Variants in ZNF407 observed in about 807,000 individuals in gnomAD.
ZNF407 encodes the protein zinc finger protein 407.
In ZNF407, 17 loss-of-function variants were observed where a neutral mutation model predicts 131.2. That is an observed-to-expected ratio of 0.13 (90% CI 0.09 to 0.19). ZNF407 has a LOEUF of 0.19. Among genes scored for constraint, ZNF407 ranks in the 10% least tolerant of loss-of-function variants. The pLI, the probability that ZNF407 is intolerant of heterozygous loss-of-function variation, is 1.00. For synonymous variants in ZNF407, 1,156 were observed against 1,062.0 expected, an observed-to-expected ratio of 1.09 and a Z score of -1.72; for missense variants, 2,681 against 2,830.6, an observed-to-expected ratio of 0.95 and a Z score of 1.20.
intron 4 of ZNF407, among the ~76,000 whole-genome samples, chr18:74,852,224 C>T (rs944251280): frequency 3.9e-5 from 6 of 152,000 alleles, no homozygotes; most frequent in East Asian, 3.9e-4. Context: ...CACGCGCGCG[C>T]GCATTGCTGG....
rs1198648926 is a variant in ZNF407, at chr18:74,632,646, T to G, written c.1627T>G (p.Leu543Val). Reference sequence around the variant, plus strand: ...GCAAGTAGCTACAAATAGGACAGATTTGGAAATCCATGTGAAAAGGTGCCA... The same window carrying G: ...GCAAGTAGCTACAAATAGGACAGATGTGGAAATCCATGTGAAAAGGTGCCA... Reference protein sequence around the residue: ...CGQVATNRTDLEIHVKRCHAR... With the variant: ...CGQVATNRTDVEIHVKRCHAR... Residue 543 changes from leucine (L) to valine (V), a missense_variant, in exon 2 of 9, where the codon TTG becomes GTG. By Grantham distance (32) the Leu-to-Val change is conservative. Transcript: ENST00000299687. 1.2e-6 allele frequency: 2 copies of G among 1,614,022 alleles called. No homozygotes were observed. The highest frequency in any genetic ancestry group is 3.3e-5 in the Admixed American group (2 of 60,032).
intron 8 of ZNF407, among the ~76,000 whole-genome samples, chr18:75,049,102 T>TG (rs201644533): frequency 3.4e-4 from 11 of 32,572 alleles, no homozygotes; most frequent in African/African-American, 1.1e-3. Flanking sequence ...TTTTTTTGGG[T>TG]GGGGGGGGGG....
At chr18:74,815,555 A>T (rs780841421) in intron 4 of ZNF407, among the ~76,000 whole-genome samples, 1 of 152,210 alleles carries the variant, frequency 6.6e-6, no homozygotes, top group Admixed American at 6.5e-5. Flanking sequence ...AATATGGGAT[A>T]TATTGTATTT....
chr18:74,635,659 G>A lies in ZNF407; in HGVS notation c.4640G>A (p.Arg1547Gln). ...NVCKYCGKMC[R>Q]SSNSMAFLAH... ...TGCAAGTATTGTGGGAAGATGTGTC[G>A]AAGCAGCAACTCGATGGCCTTCCTG... is the stretch of plus-strand genomic sequence containing the variant. The change falls in exon 2 of 9, where the codon CGA becomes CAA. Residue 1547 changes from arginine to glutamine, a missense_variant. Arg to Gln is a conservative substitution (Grantham distance 43, BLOSUM62 1). This residue lies in a region of ZNF407 where 213 missense variants were observed against 332.2 expected (regional missense o/e 0.64). Coordinates refer to ENST00000299687, the MANE Select transcript of ZNF407 (RefSeq NM_017757.3). The surrounding 1 kb of genome is among the most constrained non-coding windows in gnomAD (Gnocchi z 4.7). 1.9e-6 allele frequency: 3 copies of A among 1,609,240 alleles called. No homozygotes were observed. Among genetic ancestry groups the A allele is most frequent in the South Asian group, 1.1e-5 (1 of 90,504 alleles).
rs1744755259 is a variant in ZNF407 at position 75,064,537 on chromosome 18, C to T, written c.*69C>T. The T allele has an allele frequency of 1.5e-6, 2 of 1,316,730 alleles. No homozygotes were observed. The highest frequency in any genetic ancestry group is 5.8e-5 in the Admixed American group (2 of 34,672). 81.6% of individuals were successfully genotyped at this position (1,316,730 alleles called of 1,614,324 possible). A position where few individuals can be genotyped will look rare whatever the true frequency, so the allele number is the denominator to read the frequency against. Reference sequence around the variant, plus strand: ...TCCAGCTTCGGTGGGGGACCGTGTTCCCTGAGCTTCATCTGAAACCTTCAA... The same window carrying T: ...TCCAGCTTCGGTGGGGGACCGTGTTTCCTGAGCTTCATCTGAAACCTTCAA... On this transcript the variant is annotated 3_prime_UTR_variant, in exon 9 of 9. Transcript: ENST00000299687.
At chr18:74,610,424 G>A (rs73973920) in intron 1 of ZNF407, among the ~76,000 whole-genome samples, 3,924 of 152,218 alleles carry the variant, frequency 0.026, 146 homozygotes, top group African/African-American at 0.084. Flanking sequence ...ATGCGTGCAA[G>A]CAGCTTACCC....
intron 3 of ZNF407, among the ~76,000 whole-genome samples, chr18:74,761,996 G>C (rs1042306867): frequency 1.3e-5 from 2 of 152,062 alleles, no homozygotes; most frequent in Non-Finnish European, 2.9e-5. Context: ...AGTTATAGTC[G>C]TAGAAGGGAA....
chr18:74,778,044 AAAAAC>A (rs1371557344), intron 3 of ZNF407, among the ~76,000 whole-genome samples: 3 of 151,214 alleles, frequency 2.0e-5, no homozygotes, highest in Non-Finnish European at 2.9e-5. Context: ...TAAAAAAAAT[AAAAAC>A]AAAAGCAAAA....
chr18:75,026,275 T>C (rs1486675567), intron 8 of ZNF407, among the ~76,000 whole-genome samples: 1 of 152,216 alleles, frequency 6.6e-6, no homozygotes, highest in African/African-American at 2.4e-5. Context: ...CTAGTACTCA[T>C]AGACAAAGAT....
At chr18:74,720,566 T>C (rs1968006547) in intron 3 of ZNF407, among the ~76,000 whole-genome samples, 2 of 152,118 alleles carry the variant, frequency 1.3e-5, no homozygotes, top group African/African-American at 2.4e-5. Context: ...ACTCATATAA[T>C]ATTTTCTCAG....
At chr18:74,878,444 T>C (rs2145181805) in intron 5 of ZNF407, among the ~76,000 whole-genome samples, 1 of 152,272 alleles carries the variant, frequency 6.6e-6, no homozygotes, top group East Asian at 1.9e-4. Flanking sequence ...GTGTTGACGA[T>C]TTAAGGTCTC....
chr18:75,038,303 A>G (rs1440163166), intron 8 of ZNF407, among the ~76,000 whole-genome samples: 1 of 152,232 alleles, frequency 6.6e-6, no homozygotes, highest in Non-Finnish European at 1.5e-5. Context: ...TGGGTAACCA[A>G]CAAAGCAGAA....
intron 8 of ZNF407, among the ~76,000 whole-genome samples, chr18:75,022,879 A>G (rs558821421): frequency 1.3e-5 from 2 of 152,342 alleles, no homozygotes; most frequent in South Asian, 2.1e-4. Flanking sequence ...ATACCTGCAT[A>G]TGTATGTTCA....
intron 4 of ZNF407, among the ~76,000 whole-genome samples, chr18:74,873,594 G>A (rs1439812927): frequency 6.6e-6 from 1 of 152,090 alleles, no homozygotes; most frequent in Non-Finnish European, 1.5e-5. Flanking sequence ...AGGTGAGGTG[G>A]CTCAAGCCTG....
intron 3 of ZNF407, among the ~76,000 whole-genome samples, chr18:74,704,912 A>C (rs1255352811): frequency 6.6e-6 from 1 of 152,226 alleles, no homozygotes; most frequent in East Asian, 1.9e-4. Flanking sequence ...ATGTCTCATT[A>C]ATAGTAGGCT....
At chr18:74,934,675 G>A (rs1039479662) in intron 8 of ZNF407, among the ~76,000 whole-genome samples, 1 of 152,192 alleles carries the variant, frequency 6.6e-6, no homozygotes, top group East Asian at 1.9e-4. Flanking sequence ...ACATGGTGGC[G>A]CGTGCCTGTA....
At chr18:74,653,614 A>G (rs550886438) in intron 3 of ZNF407, among the ~76,000 whole-genome samples, 2 of 151,984 alleles carry the variant, frequency 1.3e-5, no homozygotes, top group East Asian at 3.9e-4. Flanking sequence ...ATGTATCGAT[A>G]TGCTTATATT....
chr18:74,765,104 C>T (rs9954290), intron 3 of ZNF407, among the ~76,000 whole-genome samples: 2 of 151,950 alleles, frequency 1.3e-5, no homozygotes, highest in African/African-American at 2.4e-5. Flanking sequence ...ATGTAAGGGA[C>T]TTGAGCATGG....
chr18:74,634,259 T>G lies in ZNF407; in HGVS notation c.3240T>G (p.Ser1080=), dbSNP rs772286588. The change falls in exon 2 of 9, where the codon TCT becomes TCG. Residue 1080 remains serine (S), a synonymous_variant. Coordinates refer to ENST00000299687, the MANE Select transcript of ZNF407 (RefSeq NM_017757.3). ...TGAAAAGGCAGTCTTATCTCAACTC[T>G]GCTAATGTAGAAGCTGGTTCTGCAG... ...HKMKRQSYLN[S]ANVEAGSADM... The G allele has an allele frequency of 1.9e-6, 3 of 1,613,936 alleles. No homozygotes were observed. The highest frequency in any genetic ancestry group is 1.1e-5 in the South Asian group (1 of 91,090).
Sources: gnomAD v4.1 joint callset for allele counts (sites outside exome capture counted in the v4.1 genomes callset) on GRCh38, gnomAD v4.1.1 for gene constraint, gnomAD v4.1.1 regional missense constraint, Gnocchi (gnomAD v3.1) non-coding constraint, MANE v1.5 for transcripts, NCBI Gene and HGNC (gene_info 2026-07-23, HGNC 2026-07-21) for gene names.